Variants in PCDHGA10 observed in about 807,000 individuals in gnomAD.
PCDHGA10 encodes protocadherin gamma-A10.
PCDHGA10 carries 42 observed loss-of-function variants against 59.5 expected under a neutral mutation model. That is an observed-to-expected ratio of 0.71 (90% CI 0.55 to 0.91). The LOEUF is 0.91. Among genes scored for constraint, PCDHGA10 ranks in the 40% least tolerant of loss-of-function variants. The pLI is 0.00. For synonymous variants in PCDHGA10, 511 were observed against 517.2 expected (o/e 0.99, Z 0.16); for missense variants, 1,111 against 1,198.2 (o/e 0.93, Z 1.07).
rs538474552 is a variant in PCDHGA10, at chr5:141,415,070, C to T, written c.1895C>T (p.Thr632Met). The T allele has an allele frequency of 2.0e-5, 32 of 1,613,398 alleles. No homozygotes were observed. The African/African-American group carries it at 3.9e-4, about 19-fold the overall frequency. The change falls in exon 1 of 4, where the codon ACG becomes ATG. Residue 632 changes from threonine to methionine, a missense_variant. Transcript: ENST00000398610. Reference sequence around the variant, plus strand: ...GGGGAGCACACGGGCGAGGTGCGCACGGCGCGAGCCCTGCTGGACAGAGAC... The same window carrying T: ...GGGGAGCACACGGGCGAGGTGCGCATGGCGCGAGCCCTGCTGGACAGAGAC... The part of the protein sequence containing the change: ...AVGEHTGEVR[T>M]ARALLDRDAL...
chr5:141,496,192 C>T (rs942276204), intron 2 of PCDHGA10, among the ~76,000 whole-genome samples: 1 of 152,098 alleles, frequency 6.6e-6, no homozygotes, highest in Non-Finnish European at 1.5e-5. Flanking sequence ...CCCAGCTGCT[C>T]ATTTCAATCT....
intron 1 of PCDHGA10, among the ~76,000 whole-genome samples, chr5:141,469,232 A>AC (rs1350524557): frequency 2.0e-5 from 3 of 151,722 alleles, no homozygotes; most frequent in Non-Finnish European, 4.4e-5. Flanking sequence ...AGCCATGATC[A>AC]CCCCACTGCA....
intron 1 of PCDHGA10, among the ~76,000 whole-genome samples, chr5:141,453,293 T>TTATG: frequency 6.6e-6 from 1 of 151,872 alleles, no homozygotes; most frequent in Non-Finnish European, 1.5e-5. Flanking sequence ...TTTTAATTAT[T>TTATG]TATTTATTTA....
chr5:141,453,287 A>T (rs900058377), intron 1 of PCDHGA10, among the ~76,000 whole-genome samples: 1 of 151,368 alleles, frequency 6.6e-6, no homozygotes, highest in Non-Finnish European at 1.5e-5. Context: ...CTAATTTTTT[A>T]ATTATTTATT....
At chr5:141,449,567 C>T (rs1412647192) in intron 1 of PCDHGA10, among the ~76,000 whole-genome samples, 2 of 133,846 alleles carry the variant, frequency 1.5e-5, no homozygotes, top group Non-Finnish European at 3.1e-5. Context: ...CCAGCCTGGG[C>T]GACAGAGCAA....
chr5:141,414,350 C>G lies in PCDHGA10; in HGVS notation c.1175C>G (p.Ala392Gly), dbSNP rs1450829111. ...QNGQVTCSIL[A>G]YLPFKLEKSI... ...GGACAGGTAACCTGTTCCATTTTGG[C>G]GTATCTACCATTTAAATTAGAAAAG... The change falls in exon 1 of 4, where the codon GCG becomes GGG. Residue 392 changes from alanine to glycine, a missense_variant. Transcript: ENST00000398610. 1 of 1,613,726 alleles carries G rather than the reference C, an allele frequency of 6.2e-7. No individual in the cohort carries two copies. The highest frequency in any genetic ancestry group is 2.2e-5 in the East Asian group (1 of 44,856).
At chr5:141,418,718 A>G (rs1334115906) in intron 1 of PCDHGA10, 4 of 1,613,912 alleles carry the variant, frequency 2.5e-6, no homozygotes, top group Non-Finnish European at 3.4e-6. Flanking sequence ...TGTGGCTGAC[A>G]AAGCTCAGCA....
intron 1 of PCDHGA10, among the ~76,000 whole-genome samples, chr5:141,453,479 A>G (rs1345415084): frequency 1.3e-5 from 2 of 152,082 alleles, no homozygotes; most frequent in Non-Finnish European, 2.9e-5. Context: ...AGTCAAAACT[A>G]TTAAAAAAAG....
intron 2 of PCDHGA10, among the ~76,000 whole-genome samples, chr5:141,502,908 C>G (rs1398336138): frequency 1.5e-5 from 2 of 132,418 alleles, no homozygotes; most frequent in Non-Finnish European, 3.0e-5. Flanking sequence ...TGTTGCCAGG[C>G]TGGAGTGCAG....
chr5:141,510,984 C>G lies in PCDHGA10; in HGVS notation c.2622C>G (p.Ala874=). ...ADGSSTLGGG[A]GTMGLSARYG... ...GGAGCTCCACCCTGGGAGGGGGTGC[C>G]GGCACCATGGGATTGAGCGCCCGCT... The change falls in exon 4 of 4, where the codon GCC becomes GCG. Residue 874 remains alanine (A), a synonymous_variant. Transcript: ENST00000398610. The G allele has an allele frequency of 1.2e-6, 2 of 1,614,162 alleles. No homozygotes were observed. The highest frequency in any genetic ancestry group is 1.7e-6 in the Non-Finnish European group (2 of 1,180,012).
rs1188870363 is a variant in PCDHGA10 at position 141,490,058 on chromosome 5, C to T, written c.2437-4749C>T. ...AATGCCACTGATCCAGACGAGGGCA[C>T]CAACGGCCAACTAGACTATTCTTTT... On this transcript the variant is annotated intron_variant, in intron 1 of 3. Coordinates refer to ENST00000398610, the MANE Select transcript of PCDHGA10 (RefSeq NM_018913.3). The surrounding 1 kb of genome is among the most constrained non-coding windows in gnomAD (Gnocchi z 5.4). The T allele has an allele frequency of 6.2e-7, 1 of 1,614,230 alleles. No individual in the cohort carries two copies. Among genetic ancestry groups the T allele is most frequent in the South Asian group, 1.1e-5 (1 of 91,084 alleles).
At position 141,433,069 on chromosome 5, in the gene PCDHGA10, C is replaced by G. The variant is rs561950316; in HGVS notation, c.2436+17458C>G. The G allele has an allele frequency of 3.1e-6, 5 of 1,614,200 alleles. No homozygotes were observed. In the Admixed American group the frequency reaches 8.3e-5, roughly 27 times the overall value. Reference sequence around the variant, plus strand: ...ACTCGCGGAAGAGTCACCTGATCTTCCCCCAGCCCAACTATGCAGACATGC... The same window carrying G: ...ACTCGCGGAAGAGTCACCTGATCTTGCCCCAGCCCAACTATGCAGACATGC... On this transcript the variant is annotated intron_variant, in intron 1 of 3. Coordinates refer to ENST00000398610, the MANE Select transcript of PCDHGA10 (RefSeq NM_018913.3).
intron 1 of PCDHGA10, chr5:141,428,361 C>T (rs1285334430): frequency 9.0e-6 from 5 of 556,646 alleles, no homozygotes; most frequent in South Asian, 7.5e-5. Context: ...TTTTGGCGGT[C>T]GCCTTGCACC....
At chr5:141,417,179 A>C (rs1015183950) in intron 1 of PCDHGA10, 1 of 152,194 alleles carries the variant, frequency 6.6e-6, no homozygotes, top group African/African-American at 2.4e-5. Context: ...GAAATAAGGA[A>C]TTATTACTTT....
intron 3 of PCDHGA10, 93 bp downstream of exon 3, chr5:141,505,574 C>G: frequency 6.3e-7 from 1 of 1,593,636 alleles, no homozygotes; most frequent in South Asian, 1.1e-5. Flanking sequence ...GGATGTCAAA[C>G]CTGTGTAGTT....
In PCDHGA10 at chr5:141,477,767, A is replaced by G. The variant is rs1178354274; in HGVS notation, c.2437-17040A>G. 6.2e-7 allele frequency: 1 copy of G among 1,613,906 alleles called. No homozygotes were observed. The highest frequency in any genetic ancestry group is 8.5e-7 in the Non-Finnish European group (1 of 1,180,038). On this transcript the variant is annotated intron_variant, in intron 1 of 3. Coordinates refer to ENST00000398610, the MANE Select transcript of PCDHGA10 (RefSeq NM_018913.3). The surrounding 1 kb of genome is among the most constrained non-coding windows in gnomAD (Gnocchi z 4.9). ...GGGCACCCCGGTCCTAGCCACCAAC[A>G]TCAGCGTGAACATATTTGTCACTGA...
At position 141,491,640 on chromosome 5, in the gene PCDHGA10, T is replaced by A; in HGVS notation, c.2437-3167T>A. 6.2e-7 allele frequency: 1 copy of A among 1,613,804 alleles called. No homozygotes were observed. Among genetic ancestry groups the A allele is most frequent in the South Asian group, 1.1e-5 (1 of 91,086 alleles). On this transcript the variant is annotated intron_variant, in intron 1 of 3. Coordinates refer to ENST00000398610, the MANE Select transcript of PCDHGA10 (RefSeq NM_018913.3). This position sits in a 1 kb window ranked among gnomAD's most constrained non-coding sequence, Gnocchi z 6.9. ...CCCTCAGCGTTCAGCAGCCCACAGC[T>A]CTGGCGCTGGAGCCTGACGCCATCC...
chr5:141,511,485 C>T lies in PCDHGA10; in HGVS notation c.*312C>T, dbSNP rs1324849800. 1.8e-5 allele frequency: 8 copies of T among 453,300 alleles called. No individual in the cohort carries two copies. The highest frequency in any genetic ancestry group is 1.2e-4 in the African/African-American group (6 of 50,332). The allele number at this position is 453,300 out of a possible 1,614,324, so 28.1% of individuals were successfully genotyped here. A position where few individuals can be genotyped will look rare whatever the true frequency, so the allele number is the denominator to read the frequency against. On this transcript the variant is annotated 3_prime_UTR_variant, in exon 4 of 4. Coordinates refer to ENST00000398610, the MANE Select transcript of PCDHGA10 (RefSeq NM_018913.3). Reference sequence around the variant, plus strand: ...ACCCCGTTTAGTTACAGCTGAACTCCTCCATCTTCCAAATCAATCAGGCCC... The same window carrying T: ...ACCCCGTTTAGTTACAGCTGAACTCTTCCATCTTCCAAATCAATCAGGCCC...
Position 141,490,982 on chromosome 5 carries a change from G to A in PCDHGA10, c.2437-3825G>A, listed in dbSNP as rs964673026. 5 of 1,613,994 alleles carry A rather than the reference G, an allele frequency of 3.1e-6. No homozygotes were observed. Among genetic ancestry groups the A allele is most frequent in the Admixed American group, 1.7e-5 (1 of 60,020 alleles). On this transcript the variant is annotated intron_variant, in intron 1 of 3. Coordinates refer to ENST00000398610, the MANE Select transcript of PCDHGA10 (RefSeq NM_018913.3). This position sits in a 1 kb window ranked among gnomAD's most constrained non-coding sequence, Gnocchi z 5.4. The stretch of plus-strand genomic sequence containing the variant: ...CACTCAGCCCCCCAGCGTCTCCCTC[G>A]CTCTGCTCCTCCTGGCTCCTTGGTC...
Sources: allele counts gnomAD v4.1 joint callset (sites outside exome capture counted in the v4.1 genomes callset), GRCh38; gene constraint gnomAD v4.1.1; non-coding constraint Gnocchi (gnomAD v3.1); transcripts MANE v1.5; gene names NCBI Gene and HGNC (gene_info 2026-07-23, HGNC 2026-07-21).